The following AMER1 variants were observed in gnomAD, a reference collection of about 807,000 sequenced individuals.
AMER1 encodes RP11-403E24.2.
Under a neutral mutation model 53.0 loss-of-function variants are expected in AMER1, and 16 were observed. The ratio of observed to expected loss-of-function variants is 0.30; its 90% CI spans 0.20 to 0.46. The LOEUF (loss-of-function observed/expected upper bound fraction) is 0.46, where lower values mean the gene tolerates loss of function less well. Among genes scored for constraint, AMER1 ranks in the 20% least tolerant of loss-of-function variants. The probability of loss-of-function intolerance (pLI) is 1.00; values close to 1 mark genes in which losing one functional copy is unlikely to be tolerated. For missense variants in AMER1, 947 were observed against 884.9 expected (o/e 1.07, Z -0.89); for synonymous variants, 354 against 331.9 (o/e 1.07, Z -0.73).
In AMER1 at chrX:64,192,604, T is replaced by A. The variant is rs140299861; in HGVS notation, c.683A>T (p.Asn228Ile). The change falls in exon 2 of 2, where the codon AAT becomes ATT. Residue 228 changes from asparagine (N) to isoleucine (I), a missense_variant. Asn to Ile is a moderately radical substitution (Grantham distance 149). Coordinates refer to ENST00000374869, the MANE Select transcript of AMER1 (RefSeq NM_152424.4). Reference sequence around the variant, plus strand: ...CCCAGGGGCATCTTGGGGGTTAGCATTTTCCTTTCTAGGGGCTTGGAAGGT... The same window carrying A: ...CCCAGGGGCATCTTGGGGGTTAGCAATTTCCTTTCTAGGGGCTTGGAAGGT... The part of the protein sequence containing the change: ...EETFQAPRKE[N>I]ANPQDAPGPK... 29 of 1,178,958 alleles carry A rather than the reference T, an allele frequency of 2.5e-5. No individual in the cohort carries two copies. Among genetic ancestry groups the A allele is most frequent in the Non-Finnish European group, 1.9e-5 (17 of 883,637 alleles).
chrX:64,189,824 C>A lies in AMER1; in HGVS notation c.*55G>T. The stretch of plus-strand genomic sequence containing the variant: ...ACCCCCCCACCCTTCTGCCCAACCC[C>A]TGATCCCCATTCACATGCTCAGGCC... On this transcript the variant is annotated 3_prime_UTR_variant, in exon 2 of 2. Transcript: ENST00000374869. 1 of 1,145,845 alleles carries A rather than the reference C, an allele frequency of 8.7e-7. No individual in the cohort carries two copies. Among genetic ancestry groups the A allele is most frequent in the East Asian group, 3.3e-5 (1 of 30,763 alleles). 94.4% of individuals were successfully genotyped at this position (1,145,845 alleles called of 1,213,427 possible). A position where few individuals can be genotyped will look rare whatever the true frequency, so the allele number is the denominator to read the frequency against.
intron 1 of AMER1, among the ~76,000 whole-genome samples, chrX:64,197,183 A>T (rs1930390573): frequency 8.9e-6 from 1 of 112,720 alleles, no homozygotes; most frequent in East Asian, 2.8e-4. Context: ...CATGTTCCTT[A>T]ACCAGTGTGG....
intron 1 of AMER1, among the ~76,000 whole-genome samples, chrX:64,196,932 C>T (rs1280495518): frequency 8.9e-6 from 1 of 112,401 alleles, no homozygotes; most frequent in East Asian, 2.8e-4. Flanking sequence ...ACCTAGCTAC[C>T]TCTGCCTTAG....
chrX:64,204,520 C>T (rs1602073689), intron 1 of AMER1, among the ~76,000 whole-genome samples: 1 of 113,146 alleles, frequency 8.8e-6, no homozygotes, highest in East Asian at 2.8e-4. Flanking sequence ...ATGACAGGGG[C>T]CTGGCGGGCT....
Position 64,189,793 on chromosome X carries a change from A to ACCGGCC in AMER1, c.*85_*86insGGCCGG. On this transcript the variant is annotated 3_prime_UTR_variant, in exon 2 of 2. Transcript: ENST00000374869. ...CAAAGGGTTTTCAAGTTAAACAACA[A>ACCGGCC]CCCCCACCCCCCCACCCTTCTGCCC... 6.8e-6 allele frequency: 2 copies of ACCGGCC among 292,063 alleles called. No homozygotes were observed. The highest frequency in any genetic ancestry group is 9.8e-6 in the Non-Finnish European group (2 of 204,821). 24.1% of individuals were successfully genotyped at this position (292,063 alleles called of 1,213,427 possible). A position where few individuals can be genotyped will look rare whatever the true frequency, so the allele number is the denominator to read the frequency against.
rs2147085689 is a variant in AMER1, at chrX:64,190,677, A to G, written c.2610T>C (p.Pro870=). The G allele has an allele frequency of 8.3e-7, 1 of 1,211,429 alleles. No homozygotes were observed. The change falls in exon 2 of 2, where the codon CCT becomes CCC. Residue 870 remains proline (P), a synonymous_variant. Coordinates refer to ENST00000374869, the MANE Select transcript of AMER1 (RefSeq NM_152424.4). ...QGLPWGVSSL[P]RYLGLPGLHP... ...GCAGGCCAGGCAGTCCCAAGTATCGAGGGAGGCTGCTCACACCCCAGGGCA... is the reference window on the plus strand; with the variant it reads ...GCAGGCCAGGCAGTCCCAAGTATCGGGGGAGGCTGCTCACACCCCAGGGCA...
chrX:64,193,556 C>T (rs1179294645), intron 1 of AMER1, among the ~76,000 whole-genome samples, 172 bp from the exon 2 acceptor site: 1 of 112,006 alleles, frequency 8.9e-6, no homozygotes, highest in Non-Finnish European at 1.9e-5. Flanking sequence ...GGCCAGCTCT[C>T]TCTGGGCCCC....
Position 64,191,519 on chromosome X carries a change from C to T in AMER1, c.1768G>A (p.Ala590Thr), listed in dbSNP as rs2147087472. 7 of 1,212,297 alleles carry T rather than the reference C, an allele frequency of 5.8e-6. No individual in the cohort carries two copies. The highest frequency in any genetic ancestry group is 7.8e-6 in the Non-Finnish European group (7 of 895,653). ...GCCTCCCTGGCGTGGGCCTCCCTGG[C>T]ATGAGCTTCTCGGGCACGTGCCTCC... ...AQEARAREAH[A>T]REAHAREAYT... The change falls in exon 2 of 2, where the codon GCC becomes ACC. Residue 590 changes from alanine to threonine, a missense_variant. Coordinates refer to ENST00000374869, the MANE Select transcript of AMER1 (RefSeq NM_152424.4).
chrX:64,205,301 G>T (rs1038509627), intron 1 of AMER1, among the ~76,000 whole-genome samples: 1 of 74,297 alleles, frequency 1.3e-5, no homozygotes, highest in Non-Finnish European at 2.6e-5. Context: ...CCCGAAAGCC[G>T]GGAGGCTTGG....
chrX:64,197,685 T>C (rs1930402916), intron 1 of AMER1, among the ~76,000 whole-genome samples: 1 of 112,420 alleles, frequency 8.9e-6, no homozygotes, highest in South Asian at 3.7e-4. Flanking sequence ...CCTGCCCTTC[T>C]GTATGTTGGG....
intron 1 of AMER1, among the ~76,000 whole-genome samples, chrX:64,200,112 C>A (rs1245026693): frequency 8.9e-6 from 1 of 112,696 alleles, no homozygotes; most frequent in East Asian, 2.8e-4. Flanking sequence ...CTTGCCACTC[C>A]CATCTTAGGC....
intron 1 of AMER1, 63 bp from the exon 2 acceptor site, chrX:64,193,447 G>T (rs1336502285): frequency 1.7e-5 from 14 of 814,508 alleles, no homozygotes; most frequent in Middle Eastern, 4.4e-4. Context: ...ATCCAGGCTG[G>T]GTTTGCTTTC....
intron 1 of AMER1, among the ~76,000 whole-genome samples, chrX:64,198,129 G>T (rs781151020): frequency 9.0e-6 from 1 of 111,574 alleles, no homozygotes; most frequent in Non-Finnish European, 1.9e-5. Context: ...CATGTCATAG[G>T]AGGCTTTACT....
intron 1 of AMER1, among the ~76,000 whole-genome samples, chrX:64,194,782 C>T (rs1023100301): frequency 1.8e-5 from 2 of 111,798 alleles, no homozygotes; most frequent in Non-Finnish European, 3.8e-5. Context: ...AAGTGGAAGA[C>T]TGTGGACCAG....
intron 1 of AMER1, among the ~76,000 whole-genome samples, chrX:64,203,097 C>T (rs1315323031): frequency 8.9e-6 from 1 of 112,157 alleles, no homozygotes. Context: ...GATCCCCCTG[C>T]TTATACAGAT....
chrX:64,189,514 G>GTGTGTGTGTATA lies in AMER1; in HGVS notation c.*364_*365insTATACACACACA, dbSNP rs1205241247. 12 of 28,058 alleles carry GTGTGTGTGTATA rather than the reference G, an allele frequency of 4.3e-4. No individual in the cohort carries two copies. The highest frequency in any genetic ancestry group is 2.0e-3 in the African/African-American group (12 of 5,947). The allele number at this position is 28,058 out of a possible 1,213,427, so 2.3% of individuals were successfully genotyped here. On this transcript the variant is annotated 3_prime_UTR_variant, in exon 2 of 2. Coordinates refer to ENST00000374869, the MANE Select transcript of AMER1 (RefSeq NM_152424.4). ...TGTGTGTGTGTGTGTGTGTGTGTGT[G>GTGTGTGTGTATA]TATATATATATATATATATATATAT... is the stretch of plus-strand genomic sequence containing the variant.
chrX:64,185,673 G>T lies in AMER1; in HGVS notation c.*4206C>A. 5.5e-6 allele frequency: 1 copy of T among 181,579 alleles called. No homozygotes were observed. The allele number at this position is 181,579 out of a possible 1,213,427, so 15.0% of individuals were successfully genotyped here. On this transcript the variant is annotated 3_prime_UTR_variant, in exon 2 of 2. Transcript: ENST00000374869. ...CCACGTGTGAGCTGGAGCAGGGCAG[G>T]GGAGGGGGAATGGTGGTAGGGGAGG...
At chrX:64,194,236 C>A (rs992972252) in intron 1 of AMER1, among the ~76,000 whole-genome samples, 5 of 111,455 alleles carry the variant, frequency 4.5e-5, no homozygotes, top group African/African-American at 1.6e-4. Context: ...ACTTGAGAAC[C>A]ATGAGGTGGA....
Position 64,186,204 on chromosome X carries a change from G to A in AMER1, c.*3675C>T, listed in dbSNP as rs772583802. The A allele has an allele frequency of 2.6e-5, 31 of 1,204,570 alleles. No individual in the cohort carries two copies. Among genetic ancestry groups the A allele is most frequent in the South Asian group, 1.4e-4 (8 of 56,135 alleles). On this transcript the variant is annotated 3_prime_UTR_variant, in exon 2 of 2. Transcript: ENST00000374869. The stretch of plus-strand genomic sequence containing the variant: ...TGTCCCTATCATGGGGGGAGGGAAC[G>A]GACAGTGTGGTACAGCTAAGGTAGG...
Sources: gnomAD v4.1 joint callset for allele counts (sites outside exome capture counted in the v4.1 genomes callset) on GRCh38, gnomAD v4.1.1 for gene constraint, MANE v1.5 for transcripts, NCBI Gene and HGNC (gene_info 2026-07-23, HGNC 2026-07-21) for gene names.